TGM3: variants seen among roughly 807,000 people sequenced by gnomAD.
The protein encoded by TGM3 is transglutaminase 3, also known as protein-glutamine gamma-glutamyltransferase E.
In TGM3, 52 loss-of-function variants were observed where a neutral mutation model predicts 73.8. The observed-to-expected ratio is 0.70, with a 90% CI of 0.56 to 0.89. The LOEUF (loss-of-function observed/expected upper bound fraction) is 0.89. TGM3 is among the 40% of genes least tolerant of loss of function. TGM3 has a pLI of 0.00. For synonymous variants in TGM3, 372 were observed against 354.9 expected (o/e 1.05, Z -0.54); for missense variants, 928 against 909.9 (o/e 1.02, Z -0.26).
chr20:2,337,856 A>G (rs1042154727), intron 11 of TGM3, among the ~76,000 whole-genome samples: 1 of 152,168 alleles, frequency 6.6e-6, no homozygotes, highest in African/African-American at 2.4e-5. Flanking sequence ...TGGCAAGTCT[A>G]CTTATCTTTA....
chr20:2,329,975 T>C (rs1337386919), intron 9 of TGM3, among the ~76,000 whole-genome samples: 1 of 152,140 alleles, frequency 6.6e-6, no homozygotes, highest in East Asian at 1.9e-4. Context: ...GTTCCTTACC[T>C]TACCCCACAC....
intron 4 of TGM3, among the ~76,000 whole-genome samples, chr20:2,312,202 C>T (rs45539435): frequency 6.6e-6 from 1 of 151,790 alleles, no homozygotes; most frequent in Non-Finnish European, 1.5e-5. Context: ...GAATTCGAGA[C>T]CAGCCTGGCC....
At chr20:2,333,892 A>G (rs2084333660) in intron 10 of TGM3, among the ~76,000 whole-genome samples, 1 of 152,152 alleles carries the variant, frequency 6.6e-6, no homozygotes, top group Non-Finnish European at 1.5e-5. Flanking sequence ...ACTGACGGTG[A>G]GGGTTGGACC....
intron 9 of TGM3, 27 bp from the exon 10 acceptor site, chr20:2,331,975 A>G (rs377748078): frequency 1.3e-4 from 198 of 1,572,350 alleles, no homozygotes; most frequent in Non-Finnish European, 1.6e-4. Flanking sequence ...CATCCCTGGC[A>G]TGTTTCTGTC....
chr20:2,307,408 G>C (rs2084181772), intron 1 of TGM3, among the ~76,000 whole-genome samples: 2 of 152,088 alleles, frequency 1.3e-5, no homozygotes, highest in Admixed American at 1.3e-4. Flanking sequence ...CCCTGCTCCA[G>C]ACAAGTAACA....
chr20:2,310,338 C>T lies in TGM3; in HGVS notation c.342C>T (p.Ala114=). ...CACCCATAGGACGGTACACAATGGC[C>T]CTCCAGATCTTCTCCCAGGGCGGCA... ...ASAPIGRYTM[A]LQIFSQGGIS... Residue 114 remains alanine, a synonymous_variant, in exon 3 of 13, where the codon GCC becomes GCT. Transcript: ENST00000381458. 2 of 1,614,202 alleles carry T rather than the reference C, an allele frequency of 1.2e-6. No homozygotes were observed. The highest frequency in any genetic ancestry group is 8.5e-7 in the Non-Finnish European group (1 of 1,180,020).
Position 2,317,360 on chromosome 20 carries a change from T to A in TGM3, c.858T>A (p.Ser286=), listed in dbSNP as rs780831622. 1 of 1,614,202 alleles carries A rather than the reference T, an allele frequency of 6.2e-7. No homozygotes were observed. The highest frequency in any genetic ancestry group is 8.5e-7 in the Non-Finnish European group (1 of 1,180,022). Residue 286 remains serine, a synonymous_variant, in exon 7 of 13, where the codon TCT becomes TCA. Coordinates refer to ENST00000381458, the MANE Select transcript of TGM3 (RefSeq NM_003245.4). ...FAGTLNTALR[S]LGIPSRVITN... ...CACCCTGACTTGCAGCGCTGCGGTC[T>A]TTGGGGATTCCTTCCCGGGTGATCA...
At chr20:2,302,137 A>T (rs1307357524) in intron 1 of TGM3, among the ~76,000 whole-genome samples, 1 of 151,944 alleles carries the variant, frequency 6.6e-6, no homozygotes, top group African/African-American at 2.4e-5. Context: ...GAGTAGCATC[A>T]CTCCATGTTG....
chr20:2,302,968 A>G (rs1044152031), intron 1 of TGM3, among the ~76,000 whole-genome samples: 2 of 152,194 alleles, frequency 1.3e-5, no homozygotes, highest in African/African-American at 4.8e-5. Flanking sequence ...TCAGACCCAA[A>G]TCACATATTG....
At chr20:2,329,235 T>G (rs2084306474) in intron 9 of TGM3, among the ~76,000 whole-genome samples, 1 of 152,156 alleles carries the variant, frequency 6.6e-6, no homozygotes, top group Non-Finnish European at 1.5e-5. Flanking sequence ...CTCATAAAGG[T>G]GCACACAGTA....
rs764421689 is a variant in TGM3, at chr20:2,328,285, C to G, written c.1253C>G (p.Thr418Ser). ...KQWKNSVNSH[T>S]IGRYISTKAV... ...TGGAAGAATTCCGTGAACAGTCACACCATTGGCAGGTACATCAGCACCAAG... is the reference window on the plus strand; with the variant it reads ...TGGAAGAATTCCGTGAACAGTCACAGCATTGGCAGGTACATCAGCACCAAG... The change falls in exon 9 of 13, where the codon ACC becomes AGC. Residue 418 changes from threonine to serine, a missense_variant. Transcript: ENST00000381458. The surrounding 1 kb of genome is among the most constrained non-coding windows in gnomAD (Gnocchi z 5.2). 6.2e-7 allele frequency: 1 copy of G among 1,614,056 alleles called. No homozygotes were observed.
Position 2,334,003 on chromosome 20 carries a change from A to C in TGM3, c.1643-1113A>C, listed in dbSNP as rs755898865. On this transcript the variant is annotated intron_variant, in intron 10 of 12. Transcript: ENST00000381458. The surrounding 1 kb of genome is among the most constrained non-coding windows in gnomAD (Gnocchi z 4.0). ...GCTTCCTCCTCACAGTCTTACCTAC[A>C]AGAGTATGTAATACTGTGGGTGCTG... is the stretch of plus-strand genomic sequence containing the variant. Among the ~76,000 whole-genome samples the C allele has an allele frequency of 2.0e-4, 30 of 152,186 alleles. No homozygotes were observed. Among genetic ancestry groups the C allele is most frequent in the Non-Finnish European group, 2.9e-4 (20 of 68,022 alleles).
Position 2,309,837 on chromosome 20 carries a change from G to A in TGM3, c.181+7G>A. On this transcript the variant is annotated splice_region_variant and intron_variant, in intron 2 of 12. Transcript: ENST00000381458. ...GAGTTCATTGTCTCCACAGGTACCTGCTCATTCCCCTCCTTGCCCAAACAC... is the reference window on the plus strand; with the variant it reads ...GAGTTCATTGTCTCCACAGGTACCTACTCATTCCCCTCCTTGCCCAAACAC... 2 of 1,614,070 alleles carry A rather than the reference G, an allele frequency of 1.2e-6. No homozygotes were observed.
chr20:2,319,978 C>A (rs1187015451), intron 7 of TGM3, among the ~76,000 whole-genome samples: 2 of 152,198 alleles, frequency 1.3e-5, no homozygotes, highest in Non-Finnish European at 2.9e-5. Flanking sequence ...TGTTTAAATT[C>A]TCGGGAGCTT....
At chr20:2,337,902 A>ATT (rs1321563006) in intron 11 of TGM3, among the ~76,000 whole-genome samples, 1 of 152,210 alleles carries the variant, frequency 6.6e-6, no homozygotes, top group African/African-American at 2.4e-5. Flanking sequence ...AAATCAGAAT[A>ATT]TATAAGGCTA....
chr20:2,330,040 C>T (rs1321740717), intron 9 of TGM3, among the ~76,000 whole-genome samples: 1 of 151,952 alleles, frequency 6.6e-6, no homozygotes, highest in African/African-American at 2.4e-5. Context: ...ATGGGCAGGT[C>T]CGTTGTGGGG....
intron 4 of TGM3, among the ~76,000 whole-genome samples, chr20:2,311,345 G>A (rs560627842): frequency 1.3e-5 from 2 of 152,284 alleles, no homozygotes; most frequent in South Asian, 4.1e-4. Context: ...ATCCATCTTT[G>A]AGGGGGTTGC....
chr20:2,303,119 C>T (rs1032041334), intron 1 of TGM3, among the ~76,000 whole-genome samples: 6 of 151,860 alleles, frequency 4.0e-5, no homozygotes, highest in Non-Finnish European at 7.4e-5. Context: ...GCCAACATGG[C>T]GAAACCCTGT....
Position 2,317,260 on chromosome 20 carries a change from G to A in TGM3, c.847+15G>A. ...CCTCAACACAGGTACCTTGGGTGTG[G>A]TGTGCCTTGGCTGGGTCAGTGGGTG... On this transcript the variant is annotated intron_variant, in intron 6 of 12. Transcript: ENST00000381458. 4.3e-6 allele frequency: 7 copies of A among 1,613,938 alleles called. No homozygotes were observed. The highest frequency in any genetic ancestry group is 5.9e-6 in the Non-Finnish European group (7 of 1,179,850).
Sources: gnomAD v4.1 joint callset for allele counts (sites outside exome capture counted in the v4.1 genomes callset) on GRCh38, gnomAD v4.1.1 for gene constraint, Gnocchi (gnomAD v3.1) non-coding constraint, MANE v1.5 for transcripts, NCBI Gene and HGNC (gene_info 2026-07-23, HGNC 2026-07-21) for gene names.